GLI3: variants seen among roughly 807,000 people sequenced by gnomAD.
GLI3 encodes the protein GLI family zinc finger 3, also known as transcription activator GLI3.
Under a neutral mutation model 100.8 loss-of-function variants are expected in GLI3, and 20 were observed. The observed-to-expected ratio is 0.20, with a 90% confidence interval of 0.14 to 0.29. GLI3 has a LOEUF of 0.29. GLI3 is among the 10% of genes least tolerant of loss of function. GLI3 has a pLI of 1.00. For synonymous variants in GLI3, 938 were observed against 860.5 expected, an observed-to-expected ratio of 1.09 and a Z score of -1.58; for missense variants, 2,040 against 2,128.5, an observed-to-expected ratio of 0.96 and a Z score of 0.82.
intron 1 of GLI3, among the ~76,000 whole-genome samples, chr7:42,225,452 C>T (rs1379433108): frequency 3.3e-5 from 5 of 152,118 alleles, no homozygotes; most frequent in African/African-American, 9.7e-5. Flanking sequence ...CTCTGCCTCC[C>T]AGCTTCAAGC....
intron 2 of GLI3, among the ~76,000 whole-genome samples, chr7:42,173,527 T>C (rs1787419803): frequency 1.3e-5 from 2 of 152,230 alleles, no homozygotes; most frequent in African/African-American, 2.4e-5. Context: ...TATTATAATA[T>C]TCTCCAGTCA....
At chr7:41,967,998 A>G (rs966865358) in intron 13 of GLI3, 75 bp from the exon 14 acceptor site, 1 of 1,091,578 alleles carries the variant, frequency 9.2e-7, no homozygotes, top group African/African-American at 1.5e-5. Context: ...ATGAGAGCTC[A>G]TGCATATCGA....
chr7:42,205,416 T>A (rs1014221116), intron 2 of GLI3, among the ~76,000 whole-genome samples: 1 of 152,084 alleles, frequency 6.6e-6, no homozygotes, highest in Non-Finnish European at 1.5e-5. Flanking sequence ...AACAAACAAA[T>A]AACAAACAGC....
At chr7:42,047,029 ACCAGTGGTC>A (rs1016795027) in intron 5 of GLI3, among the ~76,000 whole-genome samples, 15 of 152,192 alleles carry the variant, frequency 9.9e-5, no homozygotes, top group African/African-American at 3.4e-4. Flanking sequence ...GGTGGTGCAC[ACCAGTGGTC>A]CCAGCTACTT....
intron 10 of GLI3, 35 bp from the exon 11 acceptor site, chr7:41,978,783 A>G: frequency 1.9e-6 from 3 of 1,597,484 alleles, no homozygotes; most frequent in Non-Finnish European, 2.6e-6. Flanking sequence ...AATCAAATGG[A>G]AACGTATTCA....
chr7:42,008,152 C>T (rs1040027145), intron 10 of GLI3, among the ~76,000 whole-genome samples: 8 of 152,068 alleles, frequency 5.3e-5, no homozygotes, highest in Admixed American at 4.6e-4. Context: ...TCTATAATAC[C>T]CCACACCCAT....
chr7:42,213,785 G>C (rs898279828), intron 2 of GLI3, among the ~76,000 whole-genome samples: 1 of 152,256 alleles, frequency 6.6e-6, no homozygotes, highest in Non-Finnish European at 1.5e-5. Context: ...GCTGGGGACA[G>C]CCTATCTGTA....
chr7:41,968,503 C>T (rs762714320), intron 13 of GLI3, among the ~76,000 whole-genome samples: 1 of 152,006 alleles, frequency 6.6e-6, no homozygotes, highest in Non-Finnish European at 1.5e-5. Context: ...CACATTACCT[C>T]CTCCAACAAG....
chr7:42,147,110 TGGGGGGGAGGTGGTGCG>T (rs1786729542), intron 3 of GLI3, among the ~76,000 whole-genome samples: 1 of 151,770 alleles, frequency 6.6e-6, no homozygotes, highest in Non-Finnish European at 1.5e-5. Context: ...ATAATCTGGT[TGGGGGGGAGGTGGTGCG>T]GGGTAGCGGT....
intron 7 of GLI3, among the ~76,000 whole-genome samples, chr7:42,029,705 CT>C (rs1024072590): frequency 6.6e-6 from 1 of 152,144 alleles, no homozygotes; most frequent in African/African-American, 2.4e-5. Flanking sequence ...ACAATGGCCA[CT>C]TCCTTTTTTA....
At chr7:42,113,437 T>A (rs1785767801) in intron 3 of GLI3, 2 of 730,336 alleles carry the variant, frequency 2.7e-6, no homozygotes, top group Admixed American at 1.8e-5. Context: ...ACAGAGAAGA[T>A]CCACAAAGTT....
intron 2 of GLI3, among the ~76,000 whole-genome samples, chr7:42,158,743 G>A (rs1156728069): frequency 2.0e-5 from 3 of 152,022 alleles, no homozygotes; most frequent in Non-Finnish European, 4.4e-5. Flanking sequence ...CACCCGCCTC[G>A]GCCTCCCAAA....
chr7:42,165,077 C>A (rs1562767518), intron 2 of GLI3, among the ~76,000 whole-genome samples: 1 of 151,278 alleles, frequency 6.6e-6, no homozygotes, highest in Non-Finnish European at 1.5e-5. Flanking sequence ...GAGTTCTAGA[C>A]CAGCCTGGCC....
intron 1 of GLI3, among the ~76,000 whole-genome samples, chr7:42,247,224 A>G (rs1352634696): frequency 6.6e-6 from 1 of 152,194 alleles, no homozygotes; most frequent in East Asian, 1.9e-4. Context: ...ATAAACTCAT[A>G]GCAGCATACC....
At chr7:42,112,364 G>A (rs939833776) in intron 3 of GLI3, among the ~76,000 whole-genome samples, 6 of 152,046 alleles carry the variant, frequency 3.9e-5, no homozygotes, top group African/African-American at 1.4e-4. Context: ...ATGGTTATGG[G>A]AGCAAAAACA....
At position 41,972,659 on chromosome 7, in the gene GLI3, T is replaced by C. The variant is rs748167670; in HGVS notation, c.1813-32A>G. 21 of 1,589,850 alleles carry C rather than the reference T, an allele frequency of 1.3e-5. No homozygotes were observed. The highest frequency in any genetic ancestry group is 8.0e-5 in the African/African-American group (6 of 74,696). On this transcript the variant is annotated intron_variant, in intron 12 of 14. Coordinates refer to ENST00000395925, the MANE Select transcript of GLI3 (RefSeq NM_000168.6). The surrounding 1 kb of genome is among the most constrained non-coding windows in gnomAD (Gnocchi z 4.4). ...AATCCCACAAGAACGAGGTAAGAGA[T>C]TGTTATGAAAGAGACTATGCCCCAG...
intron 1 of GLI3, among the ~76,000 whole-genome samples, chr7:42,236,272 G>A (rs776685183): frequency 1.3e-4 from 20 of 152,152 alleles, no homozygotes; most frequent in Non-Finnish European, 2.4e-4. Context: ...CTGTGTAAAC[G>A]CGGCACCTTA....
intron 7 of GLI3, among the ~76,000 whole-genome samples, chr7:42,037,761 T>C (rs556302859): frequency 3.9e-5 from 6 of 152,304 alleles, no homozygotes; most frequent in Admixed American, 2.0e-4. Flanking sequence ...TATAAAGAGT[T>C]GTGGTATAGC....
intron 4 of GLI3, among the ~76,000 whole-genome samples, chr7:42,049,463 AG>A (rs1784309900): frequency 6.6e-6 from 1 of 152,260 alleles, no homozygotes; most frequent in South Asian, 2.1e-4. Flanking sequence ...AGCCACGTTC[AG>A]TGAGCAGTAG....
Sources: gnomAD v4.1 joint callset for allele counts (sites outside exome capture counted in the v4.1 genomes callset) on GRCh38, gnomAD v4.1.1 for gene constraint, Gnocchi (gnomAD v3.1) non-coding constraint, MANE v1.5 for transcripts, NCBI Gene and HGNC (gene_info 2026-07-23, HGNC 2026-07-21) for gene names.